SMIM23: variants seen among roughly 807,000 people sequenced by gnomAD.
The protein encoded by SMIM23 is CTB-78H18.1.
In SMIM23, 10 loss-of-function variants were observed where a neutral mutation model predicts 12.8. The ratio of observed to expected loss-of-function variants is 0.78; its 90% CI spans 0.48 to 1.32. SMIM23 has a LOEUF of 1.32. SMIM23 is among the 40% of genes most tolerant of loss of function. The pLI, the probability that SMIM23 is intolerant of heterozygous loss-of-function variation, is 0.00. For missense variants in SMIM23, 184 were observed against 198.2 expected, an observed-to-expected ratio of 0.93 and a Z score of 0.43; for synonymous variants, 78 against 80.1, an observed-to-expected ratio of 0.97 and a Z score of 0.14.
chr5:171,785,834 G>A lies in SMIM23; in HGVS notation c.-38G>A, dbSNP rs1332361288. The stretch of plus-strand genomic sequence containing the variant: ...GGAGGGGAAGGGTGCCCTTCTGTCT[G>A]TTGAGTGTGGTCCACCCAGGCAGCC... On this transcript the variant is annotated 5_prime_UTR_variant, in exon 1 of 4. Transcript: ENST00000523047. The A allele has an allele frequency of 2.1e-5, 31 of 1,502,348 alleles. No homozygotes were observed. Among genetic ancestry groups the A allele is most frequent in the Middle Eastern group, 1.7e-4 (1 of 5,944 alleles). The allele number at this position is 1,502,348 out of a possible 1,614,324, so 93.1% of individuals were successfully genotyped here.
At chr5:171,787,944 T>TAC (rs1755848436) in intron 1 of SMIM23, among the ~76,000 whole-genome samples, 1 of 152,216 alleles carries the variant, frequency 6.6e-6, no homozygotes, top group Non-Finnish European at 1.5e-5. Flanking sequence ...CATTTTTTTT[T>TAC]TAAGTTAATA....
the SMIM23 span, chr5:171,774,411 C>A: frequency 8.8e-6 from 4 of 456,304 alleles, no homozygotes; most frequent in Non-Finnish European, 1.8e-5. Flanking sequence ...TTAGCAGAAA[C>A]AATATGGGAA....
upstream of SMIM23, among the ~76,000 whole-genome samples, chr5:171,778,447 T>TCACACACACA (rs4041455): frequency 4.2e-5 from 6 of 141,548 alleles, no homozygotes; most frequent in Admixed American, 7.0e-5. Context: ...TGGGAAAATT[T>TCACACACACA]CACACACACA....
At chr5:171,778,758 T>C (rs576857840), upstream of SMIM23, among the ~76,000 whole-genome samples, 22 of 152,342 alleles carry the variant, frequency 1.4e-4, no homozygotes, top group African/African-American at 5.3e-4. Context: ...ATAGAAGCCA[T>C]AGTAACTAAC....
intron 1 of SMIM23, among the ~76,000 whole-genome samples, chr5:171,786,938 G>T (rs1055098480): frequency 2.7e-5 from 4 of 147,740 alleles, no homozygotes; most frequent in African/African-American, 9.9e-5. Context: ...CTGCAACAAA[G>T]AAGTCTGCAT....
At chr5:171,775,178 C>T in the SMIM23 span, among the ~76,000 whole-genome samples, 747 of 152,302 alleles carry the variant, frequency 4.9e-3, 7 homozygotes, top group African/African-American at 0.016. Context: ...ACCATGTGCC[C>T]GCCGCCCCTC....
chr5:171,784,029 C>T (rs1347540976), upstream of SMIM23, among the ~76,000 whole-genome samples: 1 of 151,992 alleles, frequency 6.6e-6, no homozygotes, highest in Non-Finnish European at 1.5e-5. Context: ...ATTGCTTGAG[C>T]CCAGAAGTTC....
At chr5:171,779,864 A>G (rs762032219), upstream of SMIM23, among the ~76,000 whole-genome samples, 7 of 151,576 alleles carry the variant, frequency 4.6e-5, no homozygotes, top group Non-Finnish European at 7.4e-5. Flanking sequence ...GGAGAGAGAG[A>G]GGGAGAAGGG....
At position 171,791,043 on chromosome 5, in the gene SMIM23, TG is replaced by T; in HGVS notation, c.478del (p.Glu160ArgfsTer4). ...GGGCCCTGGGGAGAGAGCACAAAGG[TG>T]GGGAGGGGTTGCTAGAGATTTCTCT... is the stretch of plus-strand genomic sequence containing the variant. ...AWALGREHKGGEGLLEISLSG... is the reference protein window; with the variant it reads ...AWALGREHKGXEGLLEISLSG... On this transcript the variant is annotated frameshift_variant, in exon 4 of 4. Coordinates refer to ENST00000523047, the MANE Select transcript of SMIM23 (RefSeq NM_001289970.2). LOFTEE classifies it low-confidence loss of function (END_TRUNC). The T allele has an allele frequency of 6.5e-7, 1 of 1,526,748 alleles. No individual in the cohort carries two copies. The highest frequency in any genetic ancestry group is 8.8e-7 in the Non-Finnish European group (1 of 1,142,458). The allele number at this position is 1,526,748 out of a possible 1,614,324, so 94.6% of individuals were successfully genotyped here. A position where few individuals can be genotyped will look rare whatever the true frequency, so the allele number is the denominator to read the frequency against.
upstream of SMIM23, among the ~76,000 whole-genome samples, chr5:171,777,734 T>C (rs1209639048): frequency 6.6e-6 from 1 of 152,192 alleles, no homozygotes; most frequent in Non-Finnish European, 1.5e-5. Context: ...TAGGTCTCCA[T>C]CTCAGTGCAG....
At chr5:171,775,386 A>C in the SMIM23 span, among the ~76,000 whole-genome samples, 6 of 151,084 alleles carry the variant, frequency 4.0e-5, no homozygotes, top group Non-Finnish European at 8.8e-5. Context: ...CTCCTGGAGC[A>C]GACCTTGCCC....
At position 171,790,736 on chromosome 5, in the gene SMIM23, T is replaced by A. The variant is rs948202784; in HGVS notation, c.226-59T>A. The A allele has an allele frequency of 9.2e-6, 14 of 1,519,492 alleles. No homozygotes were observed. In the East Asian group the frequency reaches 3.4e-4, roughly 37 times the overall value. The allele number at this position is 1,519,492 out of a possible 1,614,324, so 94.1% of individuals were successfully genotyped here. On this transcript the variant is annotated intron_variant, in intron 3 of 3. Coordinates refer to ENST00000523047, the MANE Select transcript of SMIM23 (RefSeq NM_001289970.2). ...GGGATCTTTTTGAAACCAGTGGGGA[T>A]GGGGAGGAGGGTCCTATCTGAGAAA... is the stretch of plus-strand genomic sequence containing the variant.
At chr5:171,790,187 T>C in intron 1 of SMIM23, 43 bp from the exon 2 acceptor site, 2 of 1,528,176 alleles carry the variant, frequency 1.3e-6, no homozygotes, top group Non-Finnish European at 1.8e-6. Flanking sequence ...TGGAGAGAAT[T>C]CATCCTCATG....
chr5:171,791,019 G>C lies in SMIM23; in HGVS notation c.450G>C (p.Trp150Cys), dbSNP rs1407997078. Residue 150 changes from tryptophan to cysteine, a missense_variant, in exon 4 of 4, where the codon TGG becomes TGC. Coordinates refer to ENST00000523047, the MANE Select transcript of SMIM23 (RefSeq NM_001289970.2). ...TYKSHLWEWA[W>C]ALGREHKGGE... ...AAAGTCACTTGTGGGAGTGGGCCTG[G>C]GCCCTGGGGAGAGAGCACAAAGGTG... is the stretch of plus-strand genomic sequence containing the variant. 3.3e-6 allele frequency: 5 copies of C among 1,534,516 alleles called. No homozygotes were observed. In the South Asian group the frequency reaches 3.6e-5, roughly 11 times the overall value.
intron 1 of SMIM23, among the ~76,000 whole-genome samples, chr5:171,787,913 C>T (rs1300852801): frequency 1.3e-5 from 2 of 151,958 alleles, no homozygotes; most frequent in Non-Finnish European, 2.9e-5. Context: ...CTGTGAAACT[C>T]AACCAGTTGT....
the SMIM23 span, chr5:171,773,632 T>C: frequency 3.2e-3 from 1,150 of 360,898 alleles, 4 homozygotes; most frequent in Non-Finnish European, 5.5e-3. Context: ...GACAACCAAA[T>C]AGAGGGTAAG....
rs546338704 is a variant in SMIM23, at chr5:171,790,767, G to A, written c.226-28G>A. ...GGAGGGTCCTATCTGAGAAAGCACA[G>A]GATGCCACTTCTGTGTCTGCCTTCC... On this transcript the variant is annotated intron_variant, in intron 3 of 3. Coordinates refer to ENST00000523047, the MANE Select transcript of SMIM23 (RefSeq NM_001289970.2). The A allele has an allele frequency of 3.2e-5, 49 of 1,535,704 alleles. No homozygotes were observed. In the East Asian group the frequency reaches 1.2e-3, roughly 37 times the overall value.
At chr5:171,784,064 A>T (rs1463397773), upstream of SMIM23, among the ~76,000 whole-genome samples, 1 of 152,236 alleles carries the variant, frequency 6.6e-6, no homozygotes, top group Non-Finnish European at 1.5e-5. Context: ...AAACATAGCA[A>T]GACACTGTCT....
Position 171,785,958 on chromosome 5 carries a change from C to T in SMIM23, c.87C>T (p.His29=). 1 of 1,536,376 alleles carries T rather than the reference C, an allele frequency of 6.5e-7. No individual in the cohort carries two copies. The highest frequency in any genetic ancestry group is 8.7e-7 in the Non-Finnish European group (1 of 1,146,930). ...TGCTTGAACGGAGAAGGGGCAGCCA[C>T]TGTGATGACGAGAAGCAGGTGAGGC... The part of the protein sequence containing the change: ...AQLLERRRGS[H]CDDEKQTLLA... The change falls in exon 1 of 4, where the codon CAC becomes CAT. Residue 29 remains histidine (H), a synonymous_variant. Transcript: ENST00000523047.
Sources: allele counts gnomAD v4.1 joint callset (sites outside exome capture counted in the v4.1 genomes callset), GRCh38; gene constraint gnomAD v4.1.1; transcripts MANE v1.5; gene names NCBI Gene and HGNC (gene_info 2026-07-23, HGNC 2026-07-21).